PLXNA1: variants seen among roughly 807,000 people sequenced by gnomAD.
PLXNA1 encodes the protein plexin A1.
PLXNA1 carries 77 observed loss-of-function variants against 191.7 expected under a neutral mutation model. That is an observed-to-expected ratio of 0.40 (90% CI 0.33 to 0.49). The LOEUF is 0.49. PLXNA1 is among the 20% of genes least tolerant of loss of function. The pLI, the probability that PLXNA1 is intolerant of heterozygous loss-of-function variation, is 0.63. For missense variants in PLXNA1, 2,110 were observed against 2,660.2 expected, an observed-to-expected ratio of 0.79 and a Z score of 4.55; for synonymous variants, 1,137 against 1,156.4, an observed-to-expected ratio of 0.98 and a Z score of 0.34.
chr3:126,997,923 G>A (rs565809271), intron 3 of PLXNA1, among the ~76,000 whole-genome samples: 6 of 152,346 alleles, frequency 3.9e-5, no homozygotes, highest in African/African-American at 1.2e-4. Flanking sequence ...CGGGCTCATG[G>A]CCAGCCTGGC....
At chr3:127,025,171 T>C (rs114956718) in intron 23 of PLXNA1, among the ~76,000 whole-genome samples, 2,198 of 152,250 alleles carry the variant, frequency 0.014, 27 homozygotes, top group Non-Finnish European at 0.022. Flanking sequence ...TCCACCGTTA[T>C]AGTGTCACAC....
rs149382163 is a variant in PLXNA1 at position 126,991,547 on chromosome 3, G to A, written c.1358G>A (p.Arg453Gln). The A allele has an allele frequency of 1.0e-5, 16 of 1,585,304 alleles. No homozygotes were observed. Among genetic ancestry groups the A allele is most frequent in the Admixed American group, 3.4e-5 (2 of 58,710 alleles). The change falls in exon 3 of 32, where the codon CGA becomes CAA. Residue 453 changes from arginine (R) to glutamine (Q), a missense_variant. This residue lies in a region of PLXNA1 where 903 missense variants were observed against 1,015.7 expected (regional missense o/e 0.89). Transcript: ENST00000393409. Reference sequence around the variant, plus strand: ...CGCACTGTGGTATTCGCCGGCACGCGAAGTGGCCGCATCCGCAAGGTCAGG... The same window carrying A: ...CGCACTGTGGTATTCGCCGGCACGCAAAGTGGCCGCATCCGCAAGGTCAGG... Reference protein sequence around the residue: ...RGRTVVFAGTRSGRIRKILVD... With the variant: ...RGRTVVFAGTQSGRIRKILVD...
chr3:127,031,444 G>A (rs1403759999), intron 29 of PLXNA1, among the ~76,000 whole-genome samples: 1 of 152,164 alleles, frequency 6.6e-6, no homozygotes, highest in Non-Finnish European at 1.5e-5. Context: ...GCTGGACCCT[G>A]CTTCACCAGG....
intron 1 of PLXNA1, among the ~76,000 whole-genome samples, chr3:126,983,615 GC>G (rs1387672804): frequency 1.4e-5 from 2 of 148,080 alleles, no homozygotes; most frequent in East Asian, 2.0e-4. Flanking sequence ...GGCCTCCCCC[GC>G]CCCCCGGCCG....
chr3:127,010,083 G>T (rs959359482), intron 9 of PLXNA1, among the ~76,000 whole-genome samples: 1 of 152,214 alleles, frequency 6.6e-6, no homozygotes, highest in Non-Finnish European at 1.5e-5. Context: ...AGCCTTGTGC[G>T]CTGGCAAAAT....
In PLXNA1 at chr3:127,029,768, C is replaced by G. The variant is rs888415769; in HGVS notation, c.4871-106C>G. ...GTGGTGTCATCGGCTGCCCCAAAAT[C>G]CCACATGGGTGGGGGTGCCATCCCC... On this transcript the variant is annotated intron_variant, in intron 27 of 31. Transcript: ENST00000393409. The G allele has an allele frequency of 5.0e-5, 67 of 1,351,290 alleles. No homozygotes were observed. The East Asian group carries it at 1.6e-3, about 33-fold the overall frequency. The allele number at this position is 1,351,290 out of a possible 1,614,324, so 83.7% of individuals were successfully genotyped here.
At chr3:126,983,428 G>C (rs1426749788) in intron 1 of PLXNA1, among the ~76,000 whole-genome samples, 141 bp downstream of exon 1, 2 of 146,162 alleles carry the variant, frequency 1.4e-5, no homozygotes, top group South Asian at 4.2e-4. Flanking sequence ...CAGGCAGGGG[G>C]TGTGCGCGGG....
intron 16 of PLXNA1, 101 bp from the exon 17 acceptor site, chr3:127,016,843 T>C: frequency 7.2e-7 from 1 of 1,395,422 alleles, no homozygotes; most frequent in Non-Finnish European, 1.0e-6. Context: ...TTTCCTGTCT[T>C]TGGGGAAGGC....
intron 9 of PLXNA1, among the ~76,000 whole-genome samples, chr3:127,011,426 A>T (rs2079095095): frequency 6.6e-6 from 1 of 151,994 alleles, no homozygotes; most frequent in Non-Finnish European, 1.5e-5. Context: ...GGGCTTGGGG[A>T]TTACAGCCTG....
rs779427766 is a variant in PLXNA1, at chr3:127,017,792, A to G, written c.3560A>G (p.Asn1187Ser). Residue 1187 changes from asparagine to serine, a missense_variant, in exon 19 of 32, where the codon AAC (asparagine) becomes AGC (serine). By Grantham distance (46) the Asn-to-Ser change is conservative (BLOSUM62 1). Around this residue, in one of 4 missense-constraint regions of PLXNA1, gnomAD observed 644 missense variants for 714.3 expected, o/e 0.90. Transcript: ENST00000393409. ...LPPAPGNSRLNYTVLIGSTPC... is the reference protein window; with the variant it reads ...LPPAPGNSRLSYTVLIGSTPC... ...CCTGCACCCGGCAACTCCCGACTCA[A>G]CTACACGGTGCTCATCGGCTCCACA... 1 of 1,612,828 alleles carries G rather than the reference A, an allele frequency of 6.2e-7. No individual in the cohort carries two copies. The highest frequency in any genetic ancestry group is 1.3e-5 in the African/African-American group (1 of 74,868).
chr3:127,022,078 C>T lies in PLXNA1; in HGVS notation c.4039-7C>T. The T allele has an allele frequency of 6.2e-7, 1 of 1,609,554 alleles. No homozygotes were observed. Among genetic ancestry groups the T allele is most frequent in the Non-Finnish European group, 8.5e-7 (1 of 1,177,372 alleles). On this transcript the variant is annotated splice_region_variant and splice_polypyrimidine_tract_variant and intron_variant, in intron 21 of 31. Transcript: ENST00000393409. ...CTCTGTGGTCTGAGCTCTGTGTGCT[C>T]CCTCAGGTGCAGGCCAATGTGGAGA... is the stretch of plus-strand genomic sequence containing the variant.
chr3:127,022,282 T>G lies in PLXNA1; in HGVS notation c.4236T>G (p.Leu1412=). 2 of 1,613,266 alleles carry G rather than the reference T, an allele frequency of 1.2e-6. No individual in the cohort carries two copies. The highest frequency in any genetic ancestry group is 1.7e-6 in the Non-Finnish European group (2 of 1,179,712). The stretch of plus-strand genomic sequence containing the variant: ...CCACAGGCGTGCTCAAGCAGCTGCT[T>G]TCCGACCTCATCGAGAAGAACCTGG... The part of the protein sequence containing the change: ...EYATGVLKQL[L]SDLIEKNLES... The change falls in exon 22 of 32, where the codon CTT becomes CTG. Residue 1412 remains leucine, a synonymous_variant. Coordinates refer to ENST00000393409, the MANE Select transcript of PLXNA1 (RefSeq NM_032242.4).
chr3:127,013,963 C>A, intron 10 of PLXNA1, 57 bp from the exon 11 acceptor site: 1 of 1,518,568 alleles, frequency 6.6e-7, no homozygotes, highest in Non-Finnish European at 9.1e-7. Flanking sequence ...GGGCGTGAGG[C>A]TTGGGAGGCC....
Position 126,989,334 on chromosome 3 carries a change from G to A in PLXNA1, c.741G>A (p.Val247=). 19 of 1,613,662 alleles carry A rather than the reference G, an allele frequency of 1.2e-5. No individual in the cohort carries two copies. The highest frequency in any genetic ancestry group is 1.5e-5 in the Non-Finnish European group (18 of 1,180,050). ...TCCCGGCCTTTGACATCTACTATGTGTACAGCTTCCGCAGCGAGCAGTTTG... is the reference window on the plus strand; with the variant it reads ...TCCCGGCCTTTGACATCTACTATGTATACAGCTTCCGCAGCGAGCAGTTTG... ...SKFPAFDIYY[V]YSFRSEQFVY... The change falls in exon 2 of 32, where the codon GTG becomes GTA. Residue 247 remains valine (V), a synonymous_variant. Transcript: ENST00000393409.
At position 127,034,359 on chromosome 3, in the gene PLXNA1, C is replaced by T; in HGVS notation, c.*342C>T. The T allele has an allele frequency of 4.6e-6, 1 of 215,414 alleles. No homozygotes were observed. Among genetic ancestry groups the T allele is most frequent in the Non-Finnish European group, 9.2e-6 (1 of 108,610 alleles). The allele number at this position is 215,414 out of a possible 1,614,324, so 13.3% of individuals were successfully genotyped here. On this transcript the variant is annotated 3_prime_UTR_variant, in exon 32 of 32. Coordinates refer to ENST00000393409, the MANE Select transcript of PLXNA1 (RefSeq NM_032242.4). ...CCTCTGAGGGGCTGAGGGGTGAGGC[C>T]AGGGCCCTCCAGGGGGAGGGGTAGC...
chr3:126,990,187 C>T (rs1043728601), intron 2 of PLXNA1, among the ~76,000 whole-genome samples: 3 of 152,226 alleles, frequency 2.0e-5, no homozygotes, highest in Admixed American at 2.0e-4. Flanking sequence ...GTAACTTGCC[C>T]TGGGTCACAC....
In PLXNA1 at chr3:126,991,389, G is replaced by A. The variant is rs2078989319; in HGVS notation, c.1200G>A (p.Leu400=). The change falls in exon 3 of 32, where the codon CTG becomes CTA. Residue 400 remains leucine (L), a synonymous_variant. Transcript: ENST00000393409. ...CACCCTGCCCCTTCCCACAGCCCCT[G>A]CAGATCGATGACGACTTCTGCGGGC... is the stretch of plus-strand genomic sequence containing the variant. ...NKELGCINSP[L]QIDDDFCGQD... The A allele has an allele frequency of 6.2e-7, 1 of 1,612,506 alleles. No individual in the cohort carries two copies. Among genetic ancestry groups the A allele is most frequent in the African/African-American group, 1.3e-5 (1 of 74,932 alleles).
Position 127,014,264 on chromosome 3 carries a change from C to A in PLXNA1, c.2493C>A (p.Cys831Ter). The A allele has an allele frequency of 6.3e-7, 1 of 1,596,672 alleles. No individual in the cohort carries two copies. Among genetic ancestry groups the A allele is most frequent in the Non-Finnish European group, 8.5e-7 (1 of 1,173,842 alleles). ...ACCCGCGCTTCGAGTGCGGATGGTG[C>A]GTGGCCGAGCGCCGCTGCTCCCTGC... ...KADPRFECGW[C>*]VAERRCSLRH... The change falls in exon 12 of 32, where the codon TGC (cysteine) becomes TGA (stop). Residue 831 changes from cysteine (C) to a stop codon, truncating the protein, a stop_gained. Coordinates refer to ENST00000393409, the MANE Select transcript of PLXNA1 (RefSeq NM_032242.4). LOFTEE classifies it high-confidence loss of function.
chr3:127,016,915 G>A (rs2079126436), intron 16 of PLXNA1, 29 bp from the exon 17 acceptor site: 2 of 1,580,018 alleles, frequency 1.3e-6, no homozygotes, highest in African/African-American at 2.7e-5. Flanking sequence ...GCATCATTTG[G>A]TGACCCCCCC....
Sources: gnomAD v4.1 joint callset for allele counts (sites outside exome capture counted in the v4.1 genomes callset) on GRCh38, gnomAD v4.1.1 for gene constraint, gnomAD v4.1.1 regional missense constraint, MANE v1.5 for transcripts, NCBI Gene and HGNC (gene_info 2026-07-23, HGNC 2026-07-21) for gene names.